The following HNRNPR variants were observed in gnomAD, a reference collection of about 807,000 sequenced individuals.
The protein encoded by HNRNPR is heterogeneous nuclear ribonucleoprotein R.
Under a neutral mutation model 70.3 loss-of-function variants are expected in HNRNPR, and 4 were observed. That is an observed-to-expected ratio of 0.06 (90% CI 0.03 to 0.13). The LOEUF (loss-of-function observed/expected upper bound fraction) is 0.13, where lower values mean the gene tolerates loss of function less well. Among genes scored for constraint, HNRNPR ranks in the 10% least tolerant of loss-of-function variants. HNRNPR has a pLI of 1.00. For synonymous variants in HNRNPR, 241 were observed against 267.6 expected (o/e 0.90, Z 0.97); for missense variants, 423 against 788.5 (o/e 0.54, Z 5.55).
At chr1:23,316,341 A>G (rs541377874) in intron 8 of HNRNPR, among the ~76,000 whole-genome samples, 1 of 152,290 alleles carries the variant, frequency 6.6e-6, no homozygotes, top group South Asian at 2.1e-4. Context: ...AAAGGGCTCC[A>G]TAATATTTAA....
intron 7 of HNRNPR, among the ~76,000 whole-genome samples, chr1:23,319,507 C>T (rs879943834): frequency 2.6e-5 from 4 of 152,158 alleles, no homozygotes; most frequent in Non-Finnish European, 5.9e-5. Flanking sequence ...TCTATCTCCA[C>T]TGCTATTACC....
rs1034261209 is a variant in HNRNPR, at chr1:23,305,865, A to G, written c.*4589T>C. On this transcript the variant is annotated 3_prime_UTR_variant, in exon 11 of 11. Coordinates refer to ENST00000302271, the MANE Select transcript of HNRNPR (RefSeq NM_005826.5). ...CTTGACCCAAAGTCATTGTCTCAAC[A>G]TATCTCTAAATTGAGGCCATTATTG... The G allele has an allele frequency of 3.3e-5, 5 of 152,200 alleles. No individual in the cohort carries two copies. The highest frequency in any genetic ancestry group is 7.4e-5 in the Non-Finnish European group (5 of 68,020). 9.4% of individuals were successfully genotyped at this position (152,200 alleles called of 1,614,324 possible).
chr1:23,312,078 T>C (rs1645357724), intron 9 of HNRNPR, among the ~76,000 whole-genome samples: 1 of 152,144 alleles, frequency 6.6e-6, no homozygotes, highest in South Asian at 2.1e-4. Context: ...CACCTCCTCA[T>C]GATATTTTAT....
chr1:23,312,164 A>T (rs1339102127), intron 9 of HNRNPR, among the ~76,000 whole-genome samples: 3 of 152,200 alleles, frequency 2.0e-5, no homozygotes, highest in Non-Finnish European at 2.9e-5. Flanking sequence ...AGTGATTTAT[A>T]AGTATCTAGA....
chr1:23,325,475 C>T (rs1645934812), intron 5 of HNRNPR, among the ~76,000 whole-genome samples: 1 of 152,204 alleles, frequency 6.6e-6, no homozygotes, highest in Non-Finnish European at 1.5e-5. Flanking sequence ...ATGATTCTCA[C>T]ACAATAGTTA....
At chr1:23,332,150 G>C (rs959309242) in intron 5 of HNRNPR, among the ~76,000 whole-genome samples, 5 of 151,992 alleles carry the variant, frequency 3.3e-5, no homozygotes, top group Non-Finnish European at 7.4e-5. Flanking sequence ...AGAGGGGAGA[G>C]GGGAGGAGAA....
chr1:23,321,221 C>T (rs911932097), intron 7 of HNRNPR, among the ~76,000 whole-genome samples: 2 of 148,820 alleles, frequency 1.3e-5, no homozygotes, highest in Non-Finnish European at 3.0e-5. Context: ...AAACTTTCAT[C>T]CTCTTGGTCC....
chr1:23,337,730 A>G lies in HNRNPR; in HGVS notation c.384+24T>C, dbSNP rs1381306949. On this transcript the variant is annotated intron_variant, in intron 4 of 10. Coordinates refer to ENST00000302271, the MANE Select transcript of HNRNPR (RefSeq NM_005826.5). ...CCTCATCATTAAATGCAATTTCATT[A>G]CAACTACCCAAGTCAAGTTTTACCT... 8.0e-6 allele frequency: 11 copies of G among 1,382,288 alleles called. No individual in the cohort carries two copies. In the South Asian group the frequency reaches 1.2e-4, roughly 15 times the overall value. The allele number at this position is 1,382,288 out of a possible 1,614,324, so 85.6% of individuals were successfully genotyped here. A position where few individuals can be genotyped will look rare whatever the true frequency, so the allele number is the denominator to read the frequency against.
chr1:23,340,053 C>T (rs868576716), intron 2 of HNRNPR, among the ~76,000 whole-genome samples: 1 of 151,290 alleles, frequency 6.6e-6, no homozygotes, highest in Non-Finnish European at 1.5e-5. Context: ...AAAAAAACAG[C>T]TATTTGCTAC....
At chr1:23,330,624 T>C (rs1646183093) in intron 5 of HNRNPR, among the ~76,000 whole-genome samples, 1 of 152,202 alleles carries the variant, frequency 6.6e-6, no homozygotes, top group Non-Finnish European at 1.5e-5. Flanking sequence ...CTAGAGTAGG[T>C]CTGAGAGCTC....
chr1:23,341,248 G>A (rs2103910), intron 1 of HNRNPR, among the ~76,000 whole-genome samples: 84,411 of 151,644 alleles, frequency 0.56, 27,261 homozygotes, highest in Non-Finnish European at 0.73. Context: ...CATGTACACC[G>A]GGTAAGATAA....
At chr1:23,339,535 A>T (rs1646631548) in intron 2 of HNRNPR, among the ~76,000 whole-genome samples, 1 of 152,220 alleles carries the variant, frequency 6.6e-6, no homozygotes, top group Non-Finnish European at 1.5e-5. Context: ...TTCAGAATTG[A>T]TCCAACGTAA....
rs1368326063 is a variant in HNRNPR at position 23,310,053 on chromosome 1, A to AGC, written c.*399_*400dup. 6.4e-6 allele frequency: 1 copy of AGC among 155,790 alleles called. No individual in the cohort carries two copies. The highest frequency in any genetic ancestry group is 1.4e-5 in the Non-Finnish European group (1 of 70,406). The allele number at this position is 155,790 out of a possible 1,614,324, so 9.7% of individuals were successfully genotyped here. A position where few individuals can be genotyped will look rare whatever the true frequency, so the allele number is the denominator to read the frequency against. On this transcript the variant is annotated 3_prime_UTR_variant, in exon 11 of 11. Coordinates refer to ENST00000302271, the MANE Select transcript of HNRNPR (RefSeq NM_005826.5). This position sits in a 1 kb window ranked among gnomAD's most constrained non-coding sequence, Gnocchi z 6.0. ...TAATTTCTTAAAACTACTAAGACAA[A>AGC]GCACTAGCTTGTATTTTTATTTACA...
At chr1:23,322,176 T>A (rs1226255063) in intron 6 of HNRNPR, among the ~76,000 whole-genome samples, 1 of 151,996 alleles carries the variant, frequency 6.6e-6, no homozygotes, top group African/African-American at 2.4e-5. Flanking sequence ...CAAAATTTTA[T>A]AAAATTTTGA....
chr1:23,342,668 TC>T (rs1646746984), intron 1 of HNRNPR, among the ~76,000 whole-genome samples: 1 of 152,056 alleles, frequency 6.6e-6, no homozygotes, highest in African/African-American at 2.4e-5. Context: ...TGCTCCCCCA[TC>T]CCCACATACT....
At chr1:23,320,180 C>T (rs987117263) in intron 7 of HNRNPR, among the ~76,000 whole-genome samples, 4 of 152,114 alleles carry the variant, frequency 2.6e-5, no homozygotes, top group African/African-American at 9.7e-5. Context: ...TAAACACCTG[C>T]TGAAAGAATG....
At chr1:23,315,293 AAAAAAAAAAAAAC>A (rs1645492827) in intron 8 of HNRNPR, among the ~76,000 whole-genome samples, 3 of 150,990 alleles carry the variant, frequency 2.0e-5, no homozygotes, top group African/African-American at 7.3e-5. Flanking sequence ...AAAAAAAAAA[AAAAAAAAAAAAAC>A]AAAAACCCAA....
chr1:23,335,405 T>C (rs980481855), intron 4 of HNRNPR, among the ~76,000 whole-genome samples: 1 of 152,226 alleles, frequency 6.6e-6, no homozygotes, highest in Non-Finnish European at 1.5e-5. Context: ...CCCGTACTGG[T>C]CCATGGCCTG....
chr1:23,323,480 A>G, intron 6 of HNRNPR, 76 bp downstream of exon 6: 1 of 1,325,330 alleles, frequency 7.5e-7, no homozygotes, highest in Non-Finnish European at 1.1e-6. Context: ...AAATAATGTT[A>G]ACTACAAACA....
Sources: allele counts gnomAD v4.1 joint callset (sites outside exome capture counted in the v4.1 genomes callset), GRCh38; gene constraint gnomAD v4.1.1; non-coding constraint Gnocchi (gnomAD v3.1); transcripts MANE v1.5; gene names NCBI Gene and HGNC (gene_info 2026-07-23, HGNC 2026-07-21).